The following GYPB variants were observed in gnomAD, a reference collection of about 807,000 sequenced individuals.
GYPB encodes glycophorin-B.
In GYPB, 13 loss-of-function variants were observed where a neutral mutation model predicts 15.3. The observed-to-expected ratio is 0.85, with a 90% CI of 0.55 to 1.35. The LOEUF is 1.35. GYPB is among the 40% of genes most tolerant of loss of function. The pLI is 0.00. For missense variants in GYPB, 131 were observed against 108.3 expected, an observed-to-expected ratio of 1.21 and a Z score of -0.93; for synonymous variants, 38 against 36.9, an observed-to-expected ratio of 1.03 and a Z score of -0.11.
chr4:144,013,009 A>C lies in GYPB; in HGVS notation c.37+6242T>G, dbSNP rs1383079522. 4.5e-4 allele frequency among the ~76,000 whole-genome samples: 69 copies of C among 151,872 alleles called. 1 individual carries two copies. Among genetic ancestry groups the C allele is most frequent in the Non-Finnish European group, 4.4e-4 (30 of 68,038 alleles). On this transcript the variant is annotated intron_variant, in intron 1 of 4. Transcript: ENST00000502664. ...AAGGACACTATCAAAAGTAAAAACAAAAATCTACAGAATGAAGGAAAAGAT... is the reference window on the plus strand; with the variant it reads ...AAGGACACTATCAAAAGTAAAAACACAAATCTACAGAATGAAGGAAAAGAT...
chr4:144,009,840 C>T lies in GYPB; in HGVS notation c.38-8557G>A, dbSNP rs563880379. Among the ~76,000 whole-genome samples the T allele has an allele frequency of 8.2e-4, 123 of 150,760 alleles. 7 individuals are homozygous for T. The highest frequency in any genetic ancestry group is 2.9e-3 in the African/African-American group (115 of 40,310). On this transcript the variant is annotated intron_variant, in intron 1 of 4. Coordinates refer to ENST00000502664, the MANE Select transcript of GYPB (RefSeq NM_002100.6). ...GTGTTAGCCAGGACGATCTCGATCTCCTGACCTCGTGATCCGCCCACCTCA... is the reference window on the plus strand; with the variant it reads ...GTGTTAGCCAGGACGATCTCGATCTTCTGACCTCGTGATCCGCCCACCTCA...
intron 1 of GYPB, among the ~76,000 whole-genome samples, chr4:144,018,174 T>C (rs1265099412): frequency 6.6e-6 from 1 of 151,408 alleles, no homozygotes; most frequent in East Asian, 1.9e-4. Flanking sequence ...TTTATGCAAT[T>C]ATTATGAGGT....
chr4:144,013,362 G>A (rs11730827), intron 1 of GYPB, among the ~76,000 whole-genome samples: 129,846 of 150,790 alleles, frequency 0.86, 59,283 homozygotes, highest in Non-Finnish European at 0.99. Context: ...TCAGTGTGGC[G>A]ATTCCTTAGG....
At chr4:144,013,430 A>G (rs147035716) in intron 1 of GYPB, among the ~76,000 whole-genome samples, 2,025 of 151,420 alleles carry the variant, frequency 0.013, 155 homozygotes, top group African/African-American at 0.047. Flanking sequence ...TATATACCCA[A>G]AGGACCATAA....
Position 143,996,280 on chromosome 4 carries a change from C to A in GYPB, c.*19G>T. The stretch of plus-strand genomic sequence containing the variant: ...GCAGCCGGTTCTAGGCAAGATCAGG[C>A]AGCATGCAGGCCACATCCTCATGCC... On this transcript the variant is annotated 3_prime_UTR_variant, in exon 5 of 5. Transcript: ENST00000502664. The A allele has an allele frequency of 1.9e-6, 3 of 1,550,792 alleles. No homozygotes were observed. The highest frequency in any genetic ancestry group is 2.6e-6 in the Non-Finnish European group (3 of 1,147,176).
chr4:144,010,328 G>T (rs1372675937), intron 1 of GYPB, among the ~76,000 whole-genome samples: 2 of 151,250 alleles, frequency 1.3e-5, no homozygotes, highest in Admixed American at 1.3e-4. Context: ...AATTAGTCAG[G>T]TGTGGTTGAG....
chr4:143,996,210 G>T lies in GYPB; in HGVS notation c.*89C>A. On this transcript the variant is annotated 3_prime_UTR_variant, in exon 5 of 5. Coordinates refer to ENST00000502664, the MANE Select transcript of GYPB (RefSeq NM_002100.6). ...GCCAGGGGTAGGGGCATAAGCAAAG[G>T]AATAGCAGGTGCAGCCAGTTTGCAT... 1.3e-6 allele frequency: 2 copies of T among 1,549,116 alleles called. No homozygotes were observed. Among genetic ancestry groups the T allele is most frequent in the South Asian group, 1.2e-5 (1 of 83,934 alleles).
intron 1 of GYPB, among the ~76,000 whole-genome samples, chr4:144,013,807 A>G (rs1055093136): frequency 6.6e-6 from 1 of 151,008 alleles, no homozygotes; most frequent in African/African-American, 2.5e-5. Context: ...GCATCGGGAG[A>G]TATACCTAAT....
rs1728120426 is a variant in GYPB, at chr4:144,009,768, C to T, written c.38-8485G>A. On this transcript the variant is annotated intron_variant, in intron 1 of 4. Coordinates refer to ENST00000502664, the MANE Select transcript of GYPB (RefSeq NM_002100.6). ...AGCTGGGACTACAGGCACCCGCCAC[C>T]AAGCCCGGCTAATTTTTTGTATTTT... Among the ~76,000 whole-genome samples the T allele has an allele frequency of 4.0e-5, 6 of 149,836 alleles. No individual in the cohort carries two copies. The South Asian group carries it at 6.3e-4, about 16-fold the overall frequency.
In GYPB at chr4:144,002,801, C is replaced by A. The variant is rs1727697884; in HGVS notation, c.38-1518G>T. On this transcript the variant is annotated intron_variant, in intron 1 of 4. Coordinates refer to ENST00000502664, the MANE Select transcript of GYPB (RefSeq NM_002100.6). ...CTCTATTTATCAGCTGATAGGTAATCAGTTTACCTCCAAATCATGGAGAAG... is the reference window on the plus strand; with the variant it reads ...CTCTATTTATCAGCTGATAGGTAATAAGTTTACCTCCAAATCATGGAGAAG... 4 of 567,210 alleles carry A rather than the reference C, an allele frequency of 7.1e-6. No homozygotes were observed. The East Asian group carries it at 2.7e-4, about 39-fold the overall frequency. 35.1% of individuals were successfully genotyped at this position (567,210 alleles called of 1,614,324 possible). A position where few individuals can be genotyped will look rare whatever the true frequency, so the allele number is the denominator to read the frequency against.
At chr4:144,007,348 G>A (rs1463151189) in intron 1 of GYPB, among the ~76,000 whole-genome samples, 12 of 152,050 alleles carry the variant, frequency 7.9e-5, no homozygotes, top group South Asian at 6.2e-4. Context: ...TCAGACTGGC[G>A]TGCTTTGGCA....
chr4:144,017,183 A>ATGAGT (rs1238700776), intron 1 of GYPB, among the ~76,000 whole-genome samples: 1 of 150,796 alleles, frequency 6.6e-6, no homozygotes, highest in East Asian at 1.9e-4. Context: ...GAATCATCAA[A>ATGAGT]TGAGTGCAGG....
At chr4:144,003,175 A>G (rs1484337962) in intron 1 of GYPB, among the ~76,000 whole-genome samples, 2 of 151,594 alleles carry the variant, frequency 1.3e-5, no homozygotes, top group African/African-American at 4.9e-5. Context: ...ATGAACAAAA[A>G]TAATCCATCT....
At chr4:144,004,194 C>T (rs1205866452) in intron 1 of GYPB, among the ~76,000 whole-genome samples, 22 of 151,826 alleles carry the variant, frequency 1.4e-4, no homozygotes, top group Non-Finnish European at 2.6e-4. Flanking sequence ...TAAATCAACA[C>T]AGTAAGAAAA....
chr4:144,002,244 C>T (rs1476382325), intron 1 of GYPB, among the ~76,000 whole-genome samples: 1 of 151,300 alleles, frequency 6.6e-6, no homozygotes, highest in Non-Finnish European at 1.5e-5. Context: ...TCAGCTGATG[C>T]AATGTTGAAC....
At position 144,001,234 on chromosome 4, in the gene GYPB, A is replaced by G. The variant is rs184895867; in HGVS notation, c.87T>C (p.Thr29=). Residue 29 remains threonine (T), a synonymous_variant, in exon 2 of 5, where the codon ACT becomes ACC. Coordinates refer to ENST00000502664, the MANE Select transcript of GYPB (RefSeq NM_002100.6). ...ALSTTEVAMH[T]STSSSVTKSY... ...TCTTTGTGACTGAAGAAGAGGTTGA[A>G]GTGTGCATTGCCACCTCAGTGGTAC... 1.3e-4 allele frequency: 211 copies of G among 1,612,810 alleles called. 8 individuals carry two copies. In the African/African-American group the frequency reaches 2.6e-3, roughly 20 times the overall value.
At chr4:144,012,052 T>G (rs1279989925) in intron 1 of GYPB, among the ~76,000 whole-genome samples, 2 of 152,066 alleles carry the variant, frequency 1.3e-5, no homozygotes, top group Non-Finnish European at 2.9e-5. Flanking sequence ...CTCCAGAATT[T>G]AAAAACATTT....
intron 1 of GYPB, among the ~76,000 whole-genome samples, chr4:144,013,285 A>T (rs1728315816): frequency 6.6e-6 from 1 of 150,896 alleles, no homozygotes; most frequent in Non-Finnish European, 1.5e-5. Context: ...GCTGGAGAGG[A>T]TGTGGAGAAA....
chr4:144,012,020 A>T (rs1728244505), intron 1 of GYPB, among the ~76,000 whole-genome samples: 1 of 152,246 alleles, frequency 6.6e-6, no homozygotes, highest in East Asian at 1.9e-4. Context: ...CTGGGAAATA[A>T]GTGATAACAT....
Sources: gnomAD v4.1 joint callset for allele counts (sites outside exome capture counted in the v4.1 genomes callset) on GRCh38, gnomAD v4.1.1 for gene constraint, MANE v1.5 for transcripts, NCBI Gene and HGNC (gene_info 2026-07-23, HGNC 2026-07-21) for gene names.